The following SLC30A8 variants were observed in gnomAD, a reference collection of about 807,000 sequenced individuals.
SLC30A8 encodes the protein proton-coupled zinc antiporter SLC30A8.
SLC30A8 carries 27 observed loss-of-function variants against 36.9 expected under a neutral mutation model. The ratio of observed to expected loss-of-function variants is 0.73; its 90% confidence interval spans 0.54 to 1.01. SLC30A8 has a LOEUF of 1.01. SLC30A8 is among the 50% of genes least tolerant of loss of function. SLC30A8 has a pLI of 0.00. For synonymous variants in SLC30A8, 164 were observed against 172.4 expected (o/e 0.95, Z 0.38); for missense variants, 439 against 452.0 (o/e 0.97, Z 0.26).
chr8:116,976,933 C>T (rs1815050887), intron 1 of SLC30A8, among the ~76,000 whole-genome samples: 1 of 150,866 alleles, frequency 6.6e-6, no homozygotes, highest in Non-Finnish European at 1.5e-5. Flanking sequence ...TCTCCTGCCT[C>T]AGCCTCCCGA....
chr8:116,961,810 A>G (rs1814433274), intron 1 of SLC30A8, among the ~76,000 whole-genome samples: 1 of 151,852 alleles, frequency 6.6e-6, no homozygotes, highest in African/African-American at 2.4e-5. Context: ...TGTCGCTCAG[A>G]CTAGAGTGTA....
intron 1 of SLC30A8, among the ~76,000 whole-genome samples, chr8:117,004,784 T>C (rs1373345536): frequency 3.9e-5 from 6 of 152,166 alleles, no homozygotes; most frequent in African/African-American, 1.4e-4. Flanking sequence ...ATTGTTTTTA[T>C]TTTTCTTTTT....
intron 1 of SLC30A8, among the ~76,000 whole-genome samples, chr8:117,028,561 T>A (rs923402664): frequency 6.6e-6 from 1 of 151,750 alleles, no homozygotes; most frequent in Non-Finnish European, 1.5e-5. Flanking sequence ...TTTTTTTTTT[T>A]TTTATTGTAA....
At position 117,152,871 on chromosome 8, in the gene SLC30A8, T is replaced by C. The variant is rs372323956; in HGVS notation, c.272-73T>C. 128 of 1,252,656 alleles carry C rather than the reference T, an allele frequency of 1.0e-4. 2 individuals carry two copies. In the South Asian group the frequency reaches 2.8e-3, roughly 27 times the overall value. The allele number at this position is 1,252,656 out of a possible 1,614,324, so 77.6% of individuals were successfully genotyped here. On this transcript the variant is annotated intron_variant, in intron 2 of 7. Coordinates refer to ENST00000456015, the MANE Select transcript of SLC30A8 (RefSeq NM_173851.3). The stretch of plus-strand genomic sequence containing the variant: ...TGTGAGTCTGTGGCATTTTCACCCA[T>C]GATGGTTAGCATGTCTGTGAATCTA...
At chr8:116,967,271 G>C (rs1416268206) in intron 1 of SLC30A8, among the ~76,000 whole-genome samples, 1 of 152,240 alleles carries the variant, frequency 6.6e-6, no homozygotes, top group African/African-American at 2.4e-5. Context: ...ATTAAAAGTA[G>C]ATGGAAGAGA....
chr8:117,001,850 G>T (rs1816020406), intron 1 of SLC30A8, among the ~76,000 whole-genome samples: 1 of 152,102 alleles, frequency 6.6e-6, no homozygotes, highest in African/African-American at 2.4e-5. Flanking sequence ...GCTCTGCTAG[G>T]TGCTATGCTT....
chr8:116,976,912 G>A (rs1172931537), intron 1 of SLC30A8, among the ~76,000 whole-genome samples: 2 of 149,698 alleles, frequency 1.3e-5, no homozygotes, highest in Admixed American at 1.3e-4. Flanking sequence ...CACCTCCTGG[G>A]TTCAAGCGAT....
At chr8:117,117,186 G>A (rs910613462) in intron 2 of SLC30A8, among the ~76,000 whole-genome samples, 10 of 151,918 alleles carry the variant, frequency 6.6e-5, no homozygotes, top group African/African-American at 2.4e-4. Flanking sequence ...AACAATAGCT[G>A]ATACTGTAGT....
At chr8:117,030,884 C>T (rs2130739231) in intron 1 of SLC30A8, among the ~76,000 whole-genome samples, 1 of 152,098 alleles carries the variant, frequency 6.6e-6, no homozygotes, top group Non-Finnish European at 1.5e-5. Flanking sequence ...GGGAAAATAT[C>T]ACAGACATGT....
chr8:117,120,971 A>AAC (rs746020143), intron 2 of SLC30A8, among the ~76,000 whole-genome samples: 2 of 151,804 alleles, frequency 1.3e-5, no homozygotes, highest in African/African-American at 4.8e-5. Flanking sequence ...ATCAAAAACA[A>AAC]ACACACACAC....
chr8:117,089,768 A>G (rs2130827190), intron 2 of SLC30A8, among the ~76,000 whole-genome samples: 1 of 152,122 alleles, frequency 6.6e-6, no homozygotes, highest in Non-Finnish European at 1.5e-5. Context: ...CCCTTTCTGT[A>G]AAGTCCAGTA....
At chr8:116,982,010 C>G (rs1462539672) in intron 1 of SLC30A8, among the ~76,000 whole-genome samples, 1 of 152,116 alleles carries the variant, frequency 6.6e-6, no homozygotes, top group East Asian at 1.9e-4. Flanking sequence ...TCCACAATGG[C>G]TAAACTAATT....
intron 2 of SLC30A8, among the ~76,000 whole-genome samples, chr8:117,106,459 G>T (rs1819999542): frequency 6.6e-6 from 1 of 152,132 alleles, no homozygotes; most frequent in South Asian, 2.1e-4. Flanking sequence ...AAGATACAGG[G>T]ATAAATTAGA....
intron 1 of SLC30A8, among the ~76,000 whole-genome samples, chr8:117,018,456 A>G (rs1000846020): frequency 5.3e-4 from 81 of 152,006 alleles, no homozygotes; most frequent in African/African-American, 1.8e-3. Context: ...GCACATCTCA[A>G]TTGGACTTAC....
At chr8:117,023,225 G>A (rs1422998608) in intron 1 of SLC30A8, among the ~76,000 whole-genome samples, 8 of 152,158 alleles carry the variant, frequency 5.3e-5, no homozygotes, top group African/African-American at 1.7e-4. Flanking sequence ...GAAACAACAG[G>A]TGCTGGAGAG....
At chr8:116,964,484 C>T (rs372634982) in intron 1 of SLC30A8, among the ~76,000 whole-genome samples, 1 of 152,154 alleles carries the variant, frequency 6.6e-6, no homozygotes, top group East Asian at 1.9e-4. Context: ...TTAAGGGGGG[C>T]AGCCAGCTCC....
chr8:116,990,797 A>C (rs2130662777), intron 1 of SLC30A8, among the ~76,000 whole-genome samples: 1 of 152,366 alleles, frequency 6.6e-6, no homozygotes, highest in East Asian at 1.9e-4. Flanking sequence ...TGAGAGGCAC[A>C]CAGAAACCTC....
intron 1 of SLC30A8, among the ~76,000 whole-genome samples, chr8:116,955,030 G>C (rs1404198531): frequency 6.6e-6 from 1 of 152,184 alleles, no homozygotes; most frequent in Non-Finnish European, 1.5e-5. Flanking sequence ...ATTCTTGATG[G>C]CTTCCGTTGT....
intron 2 of SLC30A8, among the ~76,000 whole-genome samples, chr8:117,064,653 G>C (rs143421264): frequency 6.6e-6 from 1 of 152,154 alleles, no homozygotes; most frequent in Non-Finnish European, 1.5e-5. Context: ...ACTCACCATC[G>C]GACAGCCGAA....
Sources: allele counts gnomAD v4.1 joint callset (sites outside exome capture counted in the v4.1 genomes callset), GRCh38; gene constraint gnomAD v4.1.1; transcripts MANE v1.5; gene names NCBI Gene and HGNC (gene_info 2026-07-23, HGNC 2026-07-21).